The following AKAP13 variants were observed in gnomAD, a reference collection of about 807,000 sequenced individuals.
AKAP13 encodes A-kinase anchoring protein 13.
A neutral mutation model predicts 264.5 loss-of-function variants in AKAP13; 80 were observed. That is an observed-to-expected ratio of 0.30 (90% CI 0.25 to 0.36). The LOEUF (loss-of-function observed/expected upper bound fraction) is 0.36, where lower values mean the gene tolerates loss of function less well. Among genes scored for constraint, AKAP13 ranks in the 10% least tolerant of loss-of-function variants. The pLI, the probability that AKAP13 is intolerant of heterozygous loss-of-function variation, is 1.00. For missense variants in AKAP13, 3,712 were observed against 3,435.2 expected, an observed-to-expected ratio of 1.08 and a Z score of -2.01; for synonymous variants, 1,380 against 1,250.2, an observed-to-expected ratio of 1.10 and a Z score of -2.19.
intron 1 of AKAP13, among the ~76,000 whole-genome samples, chr15:85,398,975 T>G (rs948638820): frequency 6.6e-6 from 1 of 152,232 alleles, no homozygotes; most frequent in Non-Finnish European, 1.5e-5. Context: ...TCCTCTATGC[T>G]ATTATAAACA....
chr15:85,525,512 A>G (rs1268948023), intron 3 of AKAP13, among the ~76,000 whole-genome samples: 1 of 152,250 alleles, frequency 6.6e-6, no homozygotes, highest in Non-Finnish European at 1.5e-5. Flanking sequence ...AAGCGTTATA[A>G]TAAAATATTA....
intron 8 of AKAP13, among the ~76,000 whole-genome samples, chr15:85,633,673 A>T (rs1029024235): frequency 2.0e-5 from 3 of 150,350 alleles, no homozygotes; most frequent in African/African-American, 7.3e-5. Flanking sequence ...CCTCCCGAGT[A>T]GCTGGGACTA....
intron 8 of AKAP13, among the ~76,000 whole-genome samples, chr15:85,610,032 AT>A (rs2151387818): frequency 6.6e-6 from 1 of 152,260 alleles, no homozygotes; most frequent in East Asian, 1.9e-4. Context: ...ATGTATTTGT[AT>A]ATCTCTCATA....
At chr15:85,508,935 T>C (rs12905368) in intron 2 of AKAP13, among the ~76,000 whole-genome samples, 17,596 of 152,154 alleles carry the variant, frequency 0.12, 1,440 homozygotes, top group South Asian at 0.34. Flanking sequence ...CAGACCACCC[T>C]GTCAGGAAAA....
chr15:85,529,110 T>C (rs1008137510), intron 3 of AKAP13, among the ~76,000 whole-genome samples: 1 of 152,214 alleles, frequency 6.6e-6, no homozygotes, highest in Non-Finnish European at 1.5e-5. Context: ...GTCTTTGCAG[T>C]GTAATTGTAG....
chr15:85,517,384 A>G (rs964816114), intron 2 of AKAP13, among the ~76,000 whole-genome samples: 7 of 150,876 alleles, frequency 4.6e-5, no homozygotes, highest in African/African-American at 1.7e-4. Flanking sequence ...TACTTTTCCC[A>G]GTTAAAGGAA....
rs1391457578 is a variant in AKAP13 at position 85,724,776 on chromosome 15, A to G, written c.6745+1456A>G. On this transcript the variant is annotated intron_variant, in intron 26 of 36. Coordinates refer to ENST00000394518, the MANE Select transcript of AKAP13 (RefSeq NM_007200.5). This position sits in a 1 kb window ranked among gnomAD's most constrained non-coding sequence, Gnocchi z 4.2. ...AAGAGAGACTGGTGACAGATAAGAG[A>G]CTGTGCAGTGCTTTGGGGAAGAGCT... Among the ~76,000 whole-genome samples, 2 of 151,742 alleles carry G rather than the reference A, an allele frequency of 1.3e-5. No individual in the cohort carries two copies. The highest frequency in any genetic ancestry group is 1.5e-5 in the Non-Finnish European group (1 of 67,968).
chr15:85,632,400 A>G (rs2081878349), intron 8 of AKAP13, among the ~76,000 whole-genome samples: 1 of 152,176 alleles, frequency 6.6e-6, no homozygotes, highest in South Asian at 2.1e-4. Context: ...CATTATCTTT[A>G]TAATACTGGA....
In AKAP13 at chr15:85,638,934, A is replaced by T. The variant is rs528872790; in HGVS notation, c.4162-440A>T. ...ACCACCATGCCTGGGTAAATTTTGT[A>T]TTTTAGTAGAGATGGGGTTTTGCCA... On this transcript the variant is annotated intron_variant, in intron 8 of 36. Coordinates refer to ENST00000394518, the MANE Select transcript of AKAP13 (RefSeq NM_007200.5). Among the ~76,000 whole-genome samples, 3 of 151,920 alleles carry T rather than the reference A, an allele frequency of 2.0e-5. No homozygotes were observed. The South Asian group carries it at 6.2e-4, about 32-fold the overall frequency.
Position 85,747,205 on chromosome 15 carries a change from G to C in AKAP13, c.*2528G>C, listed in dbSNP as rs1051126786. On this transcript the variant is annotated 3_prime_UTR_variant, in exon 37 of 37. Transcript: ENST00000394518. ...GTGCAGCAACAGAACCGCTTACCAA[G>C]AACTGTGCTTACATACCTTTGTCAT... 1 of 152,210 alleles carries C rather than the reference G, an allele frequency of 6.6e-6. No individual in the cohort carries two copies. Among genetic ancestry groups the C allele is most frequent in the Non-Finnish European group, 1.5e-5 (1 of 68,054 alleles). 9.4% of individuals were successfully genotyped at this position (152,210 alleles called of 1,614,324 possible).
At chr15:85,388,654 G>A (rs1005691101) in intron 1 of AKAP13, among the ~76,000 whole-genome samples, 10 of 152,094 alleles carry the variant, frequency 6.6e-5, no homozygotes, top group African/African-American at 1.7e-4. Flanking sequence ...GGTGTAATAC[G>A]TTGAAATAGC....
In AKAP13 at chr15:85,631,483, TTCTC is replaced by T. The variant is rs144246285; in HGVS notation, c.4162-7874_4162-7871del. The stretch of plus-strand genomic sequence containing the variant: ...AAATGCAAAATAACACACACACACT[TTCTC>T]TCTCTCTCTCTCTCTCACACACACA... On this transcript the variant is annotated intron_variant, in intron 8 of 36. Coordinates refer to ENST00000394518, the MANE Select transcript of AKAP13 (RefSeq NM_007200.5). 5.0e-3 allele frequency among the ~76,000 whole-genome samples: 602 copies of T among 120,322 alleles called. 5 individuals are homozygous for T. The highest frequency in any genetic ancestry group is 0.018 in the African/African-American group (549 of 30,414). The allele number at this position is 120,322 out of a possible 152,430, so 78.9% of individuals were successfully genotyped here.
rs2088928826 is a variant in AKAP13, at chr15:85,740,941, G to C, written c.7609-105G>C. 8.0e-6 allele frequency: 12 copies of C among 1,494,558 alleles called. No individual in the cohort carries two copies. The South Asian group carries it at 1.7e-4, about 21-fold the overall frequency. The allele number at this position is 1,494,558 out of a possible 1,614,324, so 92.6% of individuals were successfully genotyped here. On this transcript the variant is annotated intron_variant, in intron 34 of 36. Transcript: ENST00000394518. ...CTTGAAAAATGAGGGGAGAGTTCTA[G>C]TCCGTCATAGTGCCTGGTGCCCCCT...
intron 17 of AKAP13, among the ~76,000 whole-genome samples, chr15:85,698,462 C>CT: frequency 2.0e-5 from 1 of 51,018 alleles, no homozygotes; most frequent in East Asian, 7.1e-4. Context: ...AAGACTCTGT[C>CT]TCCAAAAAAA....
intron 17 of AKAP13, among the ~76,000 whole-genome samples, chr15:85,696,441 C>G (rs537619932): frequency 9.2e-5 from 14 of 152,290 alleles, no homozygotes; most frequent in Admixed American, 3.3e-4. Context: ...ACCCACTTAT[C>G]AATTAGACAT....
intron 5 of AKAP13, among the ~76,000 whole-genome samples, chr15:85,565,931 C>T (rs2078590129): frequency 6.6e-6 from 1 of 152,194 alleles, no homozygotes; most frequent in Admixed American, 6.5e-5. Context: ...CTCTCAGGTT[C>T]CTTGCAGCTC....
intron 23 of AKAP13, among the ~76,000 whole-genome samples, chr15:85,721,733 T>C (rs2087298967): frequency 6.6e-6 from 1 of 152,374 alleles, no homozygotes; most frequent in African/African-American, 2.4e-5. Context: ...AAAGTTTCTT[T>C]AATTTTTTGT....
chr15:85,546,736 CTT>C (rs575680934), intron 5 of AKAP13, among the ~76,000 whole-genome samples: 5 of 141,076 alleles, frequency 3.5e-5, no homozygotes, highest in African/African-American at 7.8e-5. Context: ...TGCTATCTTT[CTT>C]TTTTTTTTTT....
intron 1 of AKAP13, among the ~76,000 whole-genome samples, chr15:85,388,483 T>C (rs888432532): frequency 6.6e-6 from 1 of 152,250 alleles, no homozygotes; most frequent in Non-Finnish European, 1.5e-5. Context: ...AATATGATGG[T>C]AGCCATAGGT....
Sources: gnomAD v4.1 joint callset for allele counts (sites outside exome capture counted in the v4.1 genomes callset) on GRCh38, gnomAD v4.1.1 for gene constraint, Gnocchi (gnomAD v3.1) non-coding constraint, MANE v1.5 for transcripts, NCBI Gene and HGNC (gene_info 2026-07-23, HGNC 2026-07-21) for gene names.